Variants in NOL4 observed in about 807,000 individuals in gnomAD.
NOL4 encodes the protein nucleolar protein 4.
Under a neutral mutation model 75.9 loss-of-function variants are expected in NOL4, and 17 were observed. That is an observed-to-expected ratio of 0.22 (90% CI 0.15 to 0.34). The LOEUF (loss-of-function observed/expected upper bound fraction) is 0.34, where lower values mean the gene tolerates loss of function less well. Among genes scored for constraint, NOL4 ranks in the 10% least tolerant of loss-of-function variants. The pLI is 1.00. For synonymous variants in NOL4, 292 were observed against 289.9 expected (o/e 1.01, Z -0.07); for missense variants, 614 against 793.5 (o/e 0.77, Z 2.72).
chr18:34,033,521 G>T (rs1198547512), intron 5 of NOL4, among the ~76,000 whole-genome samples: 1 of 151,876 alleles, frequency 6.6e-6, no homozygotes, highest in African/African-American at 2.4e-5. Context: ...AGAATAAAAA[G>T]AATGAGCAAA....
At chr18:34,092,729 C>T (rs894147407) in intron 5 of NOL4, among the ~76,000 whole-genome samples, 3 of 152,092 alleles carry the variant, frequency 2.0e-5, no homozygotes, top group South Asian at 4.2e-4. Context: ...TTTTTGTCAG[C>T]AATTACCAAA....
At chr18:34,071,742 G>T (rs984321389) in intron 5 of NOL4, among the ~76,000 whole-genome samples, 22 of 152,008 alleles carry the variant, frequency 1.4e-4, no homozygotes, top group African/African-American at 5.1e-4. Context: ...AAACTATGAT[G>T]TTCATTAGGT....
intron 1 of NOL4, among the ~76,000 whole-genome samples, chr18:34,131,270 A>G (rs2080638510): frequency 6.6e-6 from 1 of 152,112 alleles, no homozygotes; most frequent in South Asian, 2.1e-4. Context: ...CAAAAACAAA[A>G]GTAAGTCACC....
intron 5 of NOL4, among the ~76,000 whole-genome samples, chr18:34,043,114 A>G (rs1216573322): frequency 6.6e-6 from 1 of 152,068 alleles, no homozygotes; most frequent in Non-Finnish European, 1.5e-5. Flanking sequence ...GTAGTATTTG[A>G]AGGGAGAGAA....
chr18:34,111,948 A>C (rs1322300830), intron 2 of NOL4, among the ~76,000 whole-genome samples: 1 of 152,212 alleles, frequency 6.6e-6, no homozygotes, highest in Non-Finnish European at 1.5e-5. Flanking sequence ...GAAATTGAAA[A>C]TAGAACTGCC....
At chr18:34,212,697 T>C (rs2036592679) in intron 1 of NOL4, among the ~76,000 whole-genome samples, 1 of 152,210 alleles carries the variant, frequency 6.6e-6, no homozygotes, top group Non-Finnish European at 1.5e-5. Flanking sequence ...CTCAGGCTGT[T>C]GGCAGAATTC....
At chr18:34,020,468 C>T (rs898636505) in intron 5 of NOL4, among the ~76,000 whole-genome samples, 3 of 152,166 alleles carry the variant, frequency 2.0e-5, no homozygotes, top group African/African-American at 7.2e-5. Context: ...TAAAAGTCCT[C>T]ATAAACTTTG....
intron 5 of NOL4, among the ~76,000 whole-genome samples, chr18:34,092,604 T>C (rs1235637108): frequency 6.6e-6 from 1 of 152,144 alleles, no homozygotes; most frequent in Non-Finnish European, 1.5e-5. Flanking sequence ...TTTTTCAGTA[T>C]CTATAAATGT....
intron 10 of NOL4, among the ~76,000 whole-genome samples, chr18:33,869,781 T>G (rs764283811): frequency 2.0e-5 from 3 of 152,072 alleles, no homozygotes; most frequent in African/African-American, 7.2e-5. Flanking sequence ...AATAGAAAAT[T>G]TAAAGAATCT....
At chr18:34,008,429 G>C (rs1397150211) in intron 6 of NOL4, among the ~76,000 whole-genome samples, 3 of 148,148 alleles carry the variant, frequency 2.0e-5, no homozygotes, top group African/African-American at 7.5e-5. Context: ...GGTTCCATTT[G>C]TCTGGAGAAT....
intron 1 of NOL4, among the ~76,000 whole-genome samples, chr18:34,135,377 A>C (rs144917316): frequency 2.0e-5 from 3 of 152,140 alleles, no homozygotes; most frequent in African/African-American, 7.2e-5. Context: ...GGCCTATCAC[A>C]AGTATAAAGA....
intron 9 of NOL4, among the ~76,000 whole-genome samples, chr18:33,906,678 AT>A (rs2066066365): frequency 6.6e-6 from 1 of 152,134 alleles, no homozygotes; most frequent in Non-Finnish European, 1.5e-5. Context: ...TAACAAATTA[AT>A]TTTTTTCTTT....
At chr18:33,865,475 G>A (rs927857542) in intron 10 of NOL4, among the ~76,000 whole-genome samples, 2 of 152,010 alleles carry the variant, frequency 1.3e-5, no homozygotes, top group African/African-American at 4.8e-5. Flanking sequence ...CACTGACACA[G>A]AGGGACAGCT....
chr18:34,061,551 A>G (rs903628681), intron 5 of NOL4, among the ~76,000 whole-genome samples: 2 of 152,160 alleles, frequency 1.3e-5, no homozygotes, highest in African/African-American at 4.8e-5. Context: ...AGCTAAACAC[A>G]TTCTTTCAAG....
At chr18:33,863,629 G>A (rs1019452014) in intron 10 of NOL4, among the ~76,000 whole-genome samples, 1 of 152,134 alleles carries the variant, frequency 6.6e-6, no homozygotes, top group African/African-American at 2.4e-5. Context: ...GATGCACAGG[G>A]TGGTCTCTCA....
chr18:34,220,827 C>G (rs1166221324), intron 1 of NOL4, among the ~76,000 whole-genome samples: 1 of 152,086 alleles, frequency 6.6e-6, no homozygotes, highest in Non-Finnish European at 1.5e-5. Flanking sequence ...GAATTATATT[C>G]TCTCCCATAA....
intron 1 of NOL4, among the ~76,000 whole-genome samples, chr18:34,131,300 TTTG>T (rs1396084371): frequency 1.3e-5 from 2 of 152,142 alleles, no homozygotes; most frequent in African/African-American, 4.8e-5. Flanking sequence ...CTGTTAGTTT[TTTG>T]TTATTTATTC....
intron 2 of NOL4, among the ~76,000 whole-genome samples, chr18:34,127,214 G>GA (rs1007098433): frequency 6.6e-6 from 1 of 151,736 alleles, no homozygotes; most frequent in African/African-American, 2.4e-5. Context: ...ACTGCAGATA[G>GA]AAAAAACAAA....
chr18:34,018,125 T>C (rs936433460), intron 6 of NOL4, among the ~76,000 whole-genome samples: 4 of 152,192 alleles, frequency 2.6e-5, no homozygotes, highest in African/African-American at 9.6e-5. Context: ...TTCACGATTA[T>C]TTAAACTTCA....
Sources: gnomAD v4.1 joint callset for allele counts (sites outside exome capture counted in the v4.1 genomes callset) on GRCh38, gnomAD v4.1.1 for gene constraint, MANE v1.5 for transcripts, NCBI Gene and HGNC (gene_info 2026-07-23, HGNC 2026-07-21) for gene names.